The following KYAT3 variants were observed in gnomAD, a reference collection of about 807,000 sequenced individuals.
The protein encoded by KYAT3 is kynurenine aminotransferase 3.
KYAT3 carries 50 observed loss-of-function variants against 59.0 expected under a neutral mutation model. That is an observed-to-expected ratio of 0.85 (90% CI 0.68 to 1.07). The LOEUF (loss-of-function observed/expected upper bound fraction) is 1.07. Ranked by LOEUF, KYAT3 falls within the 50% of genes least tolerant of loss-of-function variation. The probability of loss-of-function intolerance (pLI) is 0.00; values close to 1 mark genes in which losing one functional copy is unlikely to be tolerated. For missense variants in KYAT3, 497 were observed against 533.3 expected (o/e 0.93, Z 0.67); for synonymous variants, 148 against 177.0 (o/e 0.84, Z 1.30).
At chr1:88,948,936 A>G (rs993506544) in intron 11 of KYAT3, among the ~76,000 whole-genome samples, 155 bp downstream of exon 11, 5 of 152,246 alleles carry the variant, frequency 3.3e-5, no homozygotes, top group African/African-American at 9.6e-5. Context: ...CCTAAAAGTA[A>G]AGATAATTAT....
chr1:88,976,600 CCTTA>C (rs1338211743), intron 2 of KYAT3, among the ~76,000 whole-genome samples: 3 of 151,844 alleles, frequency 2.0e-5, no homozygotes, highest in Non-Finnish European at 4.4e-5. Flanking sequence ...TAGAGTGTAC[CCTTA>C]CTTATTAAAA....
Position 88,936,107 on chromosome 1 carries a change from A to G in KYAT3, c.*76T>C. The G allele has an allele frequency of 1.1e-6, 1 of 943,616 alleles. No individual in the cohort carries two copies. The highest frequency in any genetic ancestry group is 2.5e-5 in the East Asian group (1 of 40,662). 58.5% of individuals were successfully genotyped at this position (943,616 alleles called of 1,614,324 possible). On this transcript the variant is annotated 3_prime_UTR_variant, in exon 14 of 14. Coordinates refer to ENST00000260508, the MANE Select transcript of KYAT3 (RefSeq NM_001008661.3). The stretch of plus-strand genomic sequence containing the variant: ...CAGTTGTACTGAAATACCTTTTAAC[A>G]TCCAGCAGGTGGCAGCACTAAGTAA...
chr1:88,939,851 C>A (rs1036488042), intron 13 of KYAT3, among the ~76,000 whole-genome samples: 1 of 151,938 alleles, frequency 6.6e-6, no homozygotes, highest in African/African-American at 2.4e-5. Flanking sequence ...CCCATTTGAT[C>A]TTCTTATAAT....
At chr1:88,987,189 G>A (rs1207067895) in intron 2 of KYAT3, among the ~76,000 whole-genome samples, 7 of 152,182 alleles carry the variant, frequency 4.6e-5, no homozygotes, top group Non-Finnish European at 1.0e-4. Context: ...CCTGGCATAC[G>A]TAGTCTAATA....
chr1:88,964,745 G>T, intron 5 of KYAT3, 84 bp downstream of exon 5: 1 of 1,067,010 alleles, frequency 9.4e-7, no homozygotes, highest in Non-Finnish European at 1.4e-6. Context: ...AAAGAGAAAA[G>T]AGTAGAATAT....
chr1:88,960,845 T>C (rs897321560), intron 8 of KYAT3, among the ~76,000 whole-genome samples: 1 of 152,242 alleles, frequency 6.6e-6, no homozygotes, highest in African/African-American at 2.4e-5. Flanking sequence ...TAGAACCTTT[T>C]CAGGCACAAG....
At chr1:88,967,059 T>C (rs896179101) in intron 4 of KYAT3, among the ~76,000 whole-genome samples, 1 of 152,056 alleles carries the variant, frequency 6.6e-6, no homozygotes, top group African/African-American at 2.4e-5. Flanking sequence ...ACTTTTTATA[T>C]CTTTATACAC....
At chr1:88,924,293 A>G in the KYAT3 span, among the ~76,000 whole-genome samples, 1 of 152,158 alleles carries the variant, frequency 6.6e-6, no homozygotes, top group Admixed American at 6.5e-5. Context: ...GGAGGCACAC[A>G]CTCTGAGGCA....
At position 88,965,128 on chromosome 1, in the gene KYAT3, A is replaced by G. The variant is rs572755088; in HGVS notation, c.304-150T>C. On this transcript the variant is annotated intron_variant, in intron 4 of 13. Transcript: ENST00000260508. ...AAATTTATATTTTTTAATGGCAATA[A>G]ATTTTTTAAAATTTCCTACATTTAG... is the stretch of plus-strand genomic sequence containing the variant. The G allele has an allele frequency of 6.8e-6, 4 of 587,684 alleles. No homozygotes were observed. In the African/African-American group the frequency reaches 7.8e-5, roughly 11 times the overall value. 36.4% of individuals were successfully genotyped at this position (587,684 alleles called of 1,614,324 possible).
intron 1 of KYAT3, among the ~76,000 whole-genome samples, chr1:88,992,118 A>G (rs968358271): frequency 6.6e-6 from 1 of 151,680 alleles, no homozygotes; most frequent in Non-Finnish European, 1.5e-5. Flanking sequence ...AGCTGGGACT[A>G]CAGGCGCCCG....
rs779128020 is a variant in KYAT3, at chr1:88,949,086, C to T, written c.1141+5G>A. ...ATAGTTGAAATAATAAAAGCCTTTACAAACCTAGCAAAGACACATCAGCGA... is the reference window on the plus strand; with the variant it reads ...ATAGTTGAAATAATAAAAGCCTTTATAAACCTAGCAAAGACACATCAGCGA... On this transcript the variant is annotated splice_donor_5th_base_variant and intron_variant, in intron 11 of 13. Transcript: ENST00000260508. 10 of 1,536,658 alleles carry T rather than the reference C, an allele frequency of 6.5e-6. No homozygotes were observed. Among genetic ancestry groups the T allele is most frequent in the African/African-American group, 1.4e-5 (1 of 70,490 alleles).
At chr1:88,930,185 G>A in the KYAT3 span, among the ~76,000 whole-genome samples, 4 of 152,216 alleles carry the variant, frequency 2.6e-5, no homozygotes, top group African/African-American at 9.7e-5. Flanking sequence ...AGTGGCAGCA[G>A]TAACAGTCTT....
chr1:88,935,819 A>G lies in KYAT3; in HGVS notation c.*364T>C, dbSNP rs1000179640. On this transcript the variant is annotated 3_prime_UTR_variant, in exon 14 of 14. Transcript: ENST00000260508. ...GTTTATTGTTTGCCAGGCTTTTTGC[A>G]TACATTAGTCCATTTAATTCTCAGA... The G allele has an allele frequency of 9.2e-5, 37 of 401,672 alleles. No individual in the cohort carries two copies. The highest frequency in any genetic ancestry group is 6.2e-4 in the African/African-American group (30 of 48,754). The allele number at this position is 401,672 out of a possible 1,614,324, so 24.9% of individuals were successfully genotyped here.
intron 8 of KYAT3, among the ~76,000 whole-genome samples, chr1:88,959,136 C>T (rs550289122): frequency 6.6e-6 from 1 of 151,830 alleles, no homozygotes; most frequent in South Asian, 2.1e-4. Context: ...AAAAATTAGC[C>T]AGATGAGGGG....
At chr1:88,926,831 C>T in the KYAT3 span, among the ~76,000 whole-genome samples, 5,427 of 152,282 alleles carry the variant, frequency 0.036, 266 homozygotes, top group African/African-American at 0.11. Flanking sequence ...TACCCACACC[C>T]TCTCTGAAAC....
At chr1:88,972,559 T>G (rs987780207) in intron 2 of KYAT3, among the ~76,000 whole-genome samples, 1 of 152,194 alleles carries the variant, frequency 6.6e-6, no homozygotes, top group African/African-American at 2.4e-5. Context: ...GACCCCAAAG[T>G]CTTGGTGGCC....
intron 5 of KYAT3, among the ~76,000 whole-genome samples, chr1:88,962,988 C>CTTTT (rs397956625): frequency 3.0e-4 from 43 of 144,712 alleles, no homozygotes; most frequent in African/African-American, 1.0e-3. Context: ...TCCTCTCTCT[C>CTTTT]TTTTTTTTTT....
At chr1:88,959,086 C>T (rs145691392) in intron 8 of KYAT3, among the ~76,000 whole-genome samples, 83 of 151,830 alleles carry the variant, frequency 5.5e-4, no homozygotes, top group African/African-American at 1.8e-3. Context: ...GAGAACAGTC[C>T]GAGCAACATA....
intron 4 of KYAT3, among the ~76,000 whole-genome samples, chr1:88,967,486 T>A (rs1676390763): frequency 6.6e-6 from 1 of 152,000 alleles, no homozygotes; most frequent in Non-Finnish European, 1.5e-5. Context: ...AGTTCTTCCT[T>A]AAATACTTGA....
Sources: allele counts gnomAD v4.1 joint callset (sites outside exome capture counted in the v4.1 genomes callset), GRCh38; gene constraint gnomAD v4.1.1; transcripts MANE v1.5; gene names NCBI Gene and HGNC (gene_info 2026-07-23, HGNC 2026-07-21).